Variants in UNC13A observed in about 807,000 individuals in gnomAD.
UNC13A encodes protein unc-13 homolog A.
Under a neutral mutation model 219.7 loss-of-function variants are expected in UNC13A, and 61 were observed. The observed-to-expected ratio is 0.28, with a 90% CI of 0.23 to 0.34. UNC13A has a LOEUF of 0.34. Ranked by LOEUF, UNC13A falls within the 10% of genes least tolerant of loss-of-function variation. The probability of loss-of-function intolerance (pLI) is 1.00; values close to 1 mark genes in which losing one functional copy is unlikely to be tolerated. For missense variants in UNC13A, 1,476 were observed against 2,270.3 expected, an observed-to-expected ratio of 0.65 and a Z score of 7.11; for synonymous variants, 920 against 884.6, an observed-to-expected ratio of 1.04 and a Z score of -0.71.
chr19:17,663,422 C>T lies in UNC13A; in HGVS notation c.559+110G>A, dbSNP rs560551692. The T allele has an allele frequency of 1.1e-3, 1,386 of 1,284,434 alleles. 1 individual carries two copies. Among genetic ancestry groups the T allele is most frequent in the Middle Eastern group, 3.7e-3 (19 of 5,122 alleles). 79.6% of individuals were successfully genotyped at this position (1,284,434 alleles called of 1,614,324 possible). ...CTGAGCCCTCTGGCCCCCACGTGCT[C>T]GTCACAGGCTCCTTGCTTCCCTGTG... On this transcript the variant is annotated intron_variant, in intron 8 of 43. Transcript: ENST00000519716.
intron 7 of UNC13A, 137 bp from the exon 8 acceptor site, chr19:17,663,704 C>T: frequency 1.3e-6 from 1 of 791,726 alleles, no homozygotes; most frequent in Non-Finnish European, 2.1e-6. Flanking sequence ...AGTACCTTCC[C>T]TGAGTATCAC....
At chr19:17,619,150 T>C in intron 38 of UNC13A, 188 bp from the exon 39 acceptor site, 1 of 605,006 alleles carries the variant, frequency 1.7e-6, no homozygotes, top group South Asian at 2.0e-5. Flanking sequence ...AAAATCCCGG[T>C]CCTGTGAGGA....
intron 1 of UNC13A, among the ~76,000 whole-genome samples, chr19:17,678,685 T>C (rs1471237925): frequency 6.6e-6 from 1 of 150,896 alleles, no homozygotes; most frequent in Non-Finnish European, 1.5e-5. Flanking sequence ...TCAGGAACAC[T>C]CAGGAATGTG....
chr19:17,658,001 C>T (rs1040191952), intron 9 of UNC13A, 61 bp downstream of exon 9: 2 of 1,555,104 alleles, frequency 1.3e-6, no homozygotes, highest in Admixed American at 1.8e-5. Flanking sequence ...CCCCGTACCC[C>T]TCTCTCCACT....
chr19:17,643,339 AT>A (rs928633683), intron 19 of UNC13A, among the ~76,000 whole-genome samples: 25 of 148,360 alleles, frequency 1.7e-4, no homozygotes, highest in African/African-American at 2.5e-5. Flanking sequence ...TTTTTATTTT[AT>A]TTTTTTTTGA....
At chr19:17,666,559 G>T in intron 7 of UNC13A, 91 bp downstream of exon 7, 1 of 1,000,586 alleles carries the variant, frequency 1.0e-6, no homozygotes, top group Non-Finnish European at 1.4e-6. Flanking sequence ...TGTATCTCCG[G>T]ACTGGAGGAG....
chr19:17,679,074 T>C (rs765409594), intron 1 of UNC13A, among the ~76,000 whole-genome samples: 7 of 150,246 alleles, frequency 4.7e-5, no homozygotes, highest in Non-Finnish European at 7.4e-5. Context: ...GCCTGGGCAA[T>C]GTAGTAAGAT....
intron 1 of UNC13A, among the ~76,000 whole-genome samples, chr19:17,679,525 C>G (rs188691447): frequency 5.2e-4 from 76 of 144,966 alleles, no homozygotes; most frequent in Admixed American, 1.4e-3. Flanking sequence ...AGTAGGGATG[C>G]ATATGGGGGT....
In UNC13A at chr19:17,656,166, C is replaced by T. The variant is rs1471543693; in HGVS notation, c.1000G>A (p.Glu334Lys). 6.4e-7 allele frequency: 1 copy of T among 1,552,334 alleles called. No individual in the cohort carries two copies. Among genetic ancestry groups the T allele is most frequent in the Non-Finnish European group, 8.7e-7 (1 of 1,147,168 alleles). Residue 334 changes from glutamate (E) to lysine (K), a missense_variant, in exon 10 of 44, where the codon GAG becomes AAG. By Grantham distance (56) the Glu-to-Lys change is moderately conservative (BLOSUM62 1). Coordinates refer to ENST00000519716, the MANE Select transcript of UNC13A (RefSeq NM_001080421.3). The stretch of plus-strand genomic sequence containing the variant: ...TCCTCATCTTCAGGCAGCTCCTCCT[C>T]CTCCAGGAAGTCCTCCAGGTCCTCC... ...LEEDLEDFLE[E>K]EELPEDEEEL...
At chr19:17,635,893 A>C (rs1412030955) in intron 26 of UNC13A, 131 bp downstream of exon 26, 4 of 1,205,122 alleles carry the variant, frequency 3.3e-6, no homozygotes, top group Middle Eastern at 4.6e-4. Context: ...CACAGGTATA[A>C]TCAGACCCAC....
intron 43 of UNC13A, among the ~76,000 whole-genome samples, chr19:17,608,919 G>C (rs2076570868): frequency 6.6e-6 from 1 of 150,648 alleles, no homozygotes; most frequent in African/African-American, 2.4e-5. Context: ...CCAAAGTGTT[G>C]AGCTTACAGG....
At chr19:17,647,163 G>T in intron 17 of UNC13A, 102 bp downstream of exon 17, 1 of 1,113,608 alleles carries the variant, frequency 9.0e-7, no homozygotes, top group Non-Finnish European at 1.3e-6. Flanking sequence ...GACCGAGTGA[G>T]TGCGCGCTGC....
Position 17,626,659 on chromosome 19 carries a change from C to T in UNC13A, c.4047G>A (p.Gln1349=). The change falls in exon 34 of 44, where the codon CAG becomes CAA. Residue 1349 remains glutamine, a synonymous_variant. Coordinates refer to ENST00000519716, the MANE Select transcript of UNC13A (RefSeq NM_001080421.3). ...SVAQDADNVL[Q]PIMDLLDSNL... ...TGCTGTCCAGCAGGTCCATGATGGG[C>T]TGCAACACATTGTCCGCGTCCTGGG... The T allele has an allele frequency of 1.3e-6, 2 of 1,563,978 alleles. No individual in the cohort carries two copies. Among genetic ancestry groups the T allele is most frequent in the Non-Finnish European group, 1.7e-6 (2 of 1,154,210 alleles).
chr19:17,620,004 T>TTATC (rs1376596034), intron 38 of UNC13A, among the ~76,000 whole-genome samples: 1 of 152,230 alleles, frequency 6.6e-6, no homozygotes, highest in African/African-American at 2.4e-5. Flanking sequence ...TGTTCGCTAA[T>TTATC]TATCACTTGG....
At chr19:17,638,626 G>A (rs1021042417) in intron 25 of UNC13A, among the ~76,000 whole-genome samples, 1 of 152,000 alleles carries the variant, frequency 6.6e-6, no homozygotes, top group African/African-American at 2.4e-5. Flanking sequence ...CAAGGAGTTC[G>A]AGACCAGCCT....
rs1170179485 is a variant in UNC13A at position 17,609,958 on chromosome 19, T to A, written c.4793A>T (p.Tyr1598Phe). The change falls in exon 43 of 44, where the codon TAC becomes TTC. Residue 1598 changes from tyrosine (Y) to phenylalanine (F), a missense_variant. Coordinates refer to ENST00000519716, the MANE Select transcript of UNC13A (RefSeq NM_001080421.3). The part of the protein sequence containing the change: ...KSKNNSWAPK[Y>F]NESFQFTLSA... ...AACTCACAACTGGAAGCTCTCATTG[T>A]ACTTGGGAGCCCAGCTATTGTTCTT... The A allele has an allele frequency of 3.7e-6, 6 of 1,613,830 alleles. No individual in the cohort carries two copies. Among genetic ancestry groups the A allele is most frequent in the Admixed American group, 3.3e-5 (2 of 60,026 alleles).
At position 17,674,526 on chromosome 19, in the gene UNC13A, G is replaced by A. The variant is rs546751626; in HGVS notation, c.152+131C>T. On this transcript the variant is annotated intron_variant, in intron 3 of 43. Transcript: ENST00000519716. The surrounding 1 kb of genome is among the most constrained non-coding windows in gnomAD (Gnocchi z 5.0). ...TGTGTTTTGGAGGTGAAGGTGATAA[G>A]GTGGACAGGGGAAGAGGGAGGACAG... 2 of 717,570 alleles carry A rather than the reference G, an allele frequency of 2.8e-6. No homozygotes were observed. The highest frequency in any genetic ancestry group is 4.8e-6 in the Non-Finnish European group (2 of 417,794). The allele number at this position is 717,570 out of a possible 1,614,324, so 44.5% of individuals were successfully genotyped here.
intron 7 of UNC13A, among the ~76,000 whole-genome samples, chr19:17,665,735 G>A (rs1345053360): frequency 6.6e-6 from 1 of 152,196 alleles, no homozygotes; most frequent in African/African-American, 2.4e-5. Context: ...ACCATCTGAC[G>A]TGGGCTGCTC....
In UNC13A at chr19:17,630,066, T is replaced by G. The variant is rs777812048; in HGVS notation, c.3669+79A>C. The G allele has an allele frequency of 3.0e-5, 44 of 1,468,242 alleles. No individual in the cohort carries two copies. The East Asian group carries it at 1.1e-3, about 36-fold the overall frequency. 91.0% of individuals were successfully genotyped at this position (1,468,242 alleles called of 1,614,324 possible). A position where few individuals can be genotyped will look rare whatever the true frequency, so the allele number is the denominator to read the frequency against. On this transcript the variant is annotated intron_variant, in intron 30 of 43. Coordinates refer to ENST00000519716, the MANE Select transcript of UNC13A (RefSeq NM_001080421.3). ...CCAACTCCAACCTCAACCTCAACCT[T>G]AGCCCATCTCCAACTCAGACTTCAA... is the stretch of plus-strand genomic sequence containing the variant.
Sources: gnomAD v4.1 joint callset for allele counts (sites outside exome capture counted in the v4.1 genomes callset) on GRCh38, gnomAD v4.1.1 for gene constraint, Gnocchi (gnomAD v3.1) non-coding constraint, MANE v1.5 for transcripts, NCBI Gene and HGNC (gene_info 2026-07-23, HGNC 2026-07-21) for gene names.